Variants in NEGR1 observed in about 807,000 individuals in gnomAD.
NEGR1 encodes IgLON family member 4.
A neutral mutation model predicts 40.9 loss-of-function variants in NEGR1; 10 were observed. That is an observed-to-expected ratio of 0.24 (90% CI 0.15 to 0.42). The LOEUF is 0.42. Ranked by LOEUF, NEGR1 falls within the 10% of genes least tolerant of loss-of-function variation. The pLI is 1.00. For synonymous variants in NEGR1, 185 were observed against 166.8 expected (o/e 1.11, Z -0.84); for missense variants, 352 against 438.9 (o/e 0.80, Z 1.77).
chr1:72,083,525 T>TG (rs1648087632), intron 1 of NEGR1, among the ~76,000 whole-genome samples: 1 of 152,082 alleles, frequency 6.6e-6, no homozygotes, highest in Non-Finnish European at 1.5e-5. Flanking sequence ...TGCCCAGCTC[T>TG]CTCTGTTTGT....
chr1:71,959,749 T>A lies in NEGR1; in HGVS notation c.177-24438A>T, dbSNP rs189498337. Among the ~76,000 whole-genome samples, 7 of 152,264 alleles carry A rather than the reference T, an allele frequency of 4.6e-5. No homozygotes were observed. The East Asian group carries it at 1.3e-3, about 29-fold the overall frequency. Reference sequence around the variant, plus strand: ...GTATTTTTTCATATCCAATTTTACTTTAAATATTTTTATGAAAAGAAGCCT... The same window carrying A: ...GTATTTTTTCATATCCAATTTTACTATAAATATTTTTATGAAAAGAAGCCT... On this transcript the variant is annotated intron_variant, in intron 1 of 6. Coordinates refer to ENST00000357731, the MANE Select transcript of NEGR1 (RefSeq NM_173808.3).
intron 6 of NEGR1, among the ~76,000 whole-genome samples, chr1:71,520,945 G>T (rs1487622972): frequency 1.3e-5 from 2 of 152,038 alleles, no homozygotes; most frequent in Admixed American, 6.6e-5. Flanking sequence ...TCTGTGATTA[G>T]ATTAACCCAC....
At chr1:71,842,977 T>G (rs529488091) in intron 2 of NEGR1, among the ~76,000 whole-genome samples, 41 of 152,190 alleles carry the variant, frequency 2.7e-4, no homozygotes, top group South Asian at 1.7e-3. Context: ...GTAATAGCAC[T>G]ATTTTTTAAA....
chr1:72,282,324 C>T lies in NEGR1; in HGVS notation c.171G>A (p.Val57=). The T allele has an allele frequency of 6.2e-7, 1 of 1,613,938 alleles. No homozygotes were observed. The highest frequency in any genetic ancestry group is 1.1e-5 in the South Asian group (1 of 91,076). The change falls in exon 1 of 7, where the codon GTG becomes GTA. Residue 57 remains valine (V), a synonymous_variant. Transcript: ENST00000357731. ...NMMVRKGDTA[V]LRCYLEDGAS... Reference sequence around the variant, plus strand: ...AAGCACGCCGTTCTTCCTACCTAAGCACCGCCGTGTCCCCTTTTCTGACCA... The same window carrying T: ...AAGCACGCCGTTCTTCCTACCTAAGTACCGCCGTGTCCCCTTTTCTGACCA...
chr1:71,691,485 G>T, intron 4 of NEGR1, among the ~76,000 whole-genome samples: 1 of 150,954 alleles, frequency 6.6e-6, no homozygotes. Flanking sequence ...CTTTTGGTTG[G>T]CATTGTTCTC....
intron 3 of NEGR1, among the ~76,000 whole-genome samples, chr1:71,773,369 T>C (rs1656395845): frequency 6.6e-6 from 1 of 152,216 alleles, no homozygotes. Context: ...TAACTGCTTT[T>C]AACACTCAAC....
At chr1:71,803,095 T>C (rs953915905) in intron 2 of NEGR1, among the ~76,000 whole-genome samples, 1 of 152,084 alleles carries the variant, frequency 6.6e-6, no homozygotes, top group African/African-American at 2.4e-5. Context: ...ACCTCCAATG[T>C]CAGTTTAAGG....
intron 1 of NEGR1, among the ~76,000 whole-genome samples, chr1:72,232,652 CT>C (rs1297436549): frequency 2.0e-5 from 3 of 152,028 alleles, no homozygotes; most frequent in East Asian, 1.9e-4. Context: ...TCATAGGGCC[CT>C]TTTTTTCACT....
intron 5 of NEGR1, among the ~76,000 whole-genome samples, chr1:71,594,910 C>G (rs1356266454): frequency 6.6e-6 from 1 of 152,188 alleles, no homozygotes; most frequent in Non-Finnish European, 1.5e-5. Context: ...TGTGCTCCAT[C>G]GACCAACAGT....
intron 6 of NEGR1, among the ~76,000 whole-genome samples, chr1:71,440,454 A>C (rs1646539623): frequency 6.6e-6 from 1 of 152,248 alleles, no homozygotes; most frequent in African/African-American, 2.4e-5. Context: ...TTCAAGACAT[A>C]AAACTGGCCT....
chr1:71,796,271 A>C (rs1488730000), intron 2 of NEGR1, among the ~76,000 whole-genome samples: 1 of 152,146 alleles, frequency 6.6e-6, no homozygotes, highest in Non-Finnish European at 1.5e-5. Context: ...AGCCTGTGCA[A>C]AATGAGTCCT....
chr1:71,509,959 G>T (rs1647061718), intron 6 of NEGR1, among the ~76,000 whole-genome samples: 1 of 152,194 alleles, frequency 6.6e-6, no homozygotes, highest in East Asian at 1.9e-4. Flanking sequence ...GTTATGTTGG[G>T]TGGGAAATGT....
intron 1 of NEGR1, among the ~76,000 whole-genome samples, chr1:72,007,444 T>C (rs529720658): frequency 6.6e-6 from 1 of 151,816 alleles, no homozygotes; most frequent in East Asian, 1.9e-4. Flanking sequence ...ATTTTCTGGG[T>C]CAAGCTCAGT....
chr1:72,134,572 C>T (rs1243321339), intron 1 of NEGR1, among the ~76,000 whole-genome samples: 1 of 150,638 alleles, frequency 6.6e-6, no homozygotes, highest in Non-Finnish European at 1.5e-5. Context: ...TATACAATGG[C>T]AATTTCATGC....
intron 1 of NEGR1, among the ~76,000 whole-genome samples, chr1:71,954,761 A>G (rs1403083426): frequency 6.6e-6 from 1 of 152,092 alleles, no homozygotes; most frequent in East Asian, 1.9e-4. Context: ...AATCCATATA[A>G]GCACATTGCC....
intron 4 of NEGR1, among the ~76,000 whole-genome samples, chr1:71,662,388 G>A (rs961446452): frequency 3.3e-5 from 5 of 152,096 alleles, no homozygotes; most frequent in Non-Finnish European, 7.4e-5. Flanking sequence ...CATGGAGAAC[G>A]GAACTCAAAA....
intron 2 of NEGR1, among the ~76,000 whole-genome samples, chr1:71,799,298 G>A (rs956645996): frequency 6.6e-6 from 1 of 152,056 alleles, no homozygotes; most frequent in African/African-American, 2.4e-5. Context: ...CACGGTGTTT[G>A]GTTTTCTGTT....
intron 2 of NEGR1, among the ~76,000 whole-genome samples, chr1:71,829,717 A>C (rs549037315): frequency 1.1e-4 from 17 of 152,068 alleles, no homozygotes; most frequent in South Asian, 4.1e-4. Flanking sequence ...TAATACAACA[A>C]CACAATCAAA....
intron 2 of NEGR1, among the ~76,000 whole-genome samples, chr1:71,809,907 A>T (rs949342356): frequency 1.3e-5 from 2 of 152,196 alleles, no homozygotes; most frequent in Non-Finnish European, 2.9e-5. Context: ...AAGCAAGTCA[A>T]GGAAAAAACG....
Sources: gnomAD v4.1 joint callset for allele counts (sites outside exome capture counted in the v4.1 genomes callset) on GRCh38, gnomAD v4.1.1 for gene constraint, MANE v1.5 for transcripts, NCBI Gene and HGNC (gene_info 2026-07-23, HGNC 2026-07-21) for gene names.